Variants in ST3GAL2 observed in about 807,000 individuals in gnomAD.
The protein encoded by ST3GAL2 is ST3 beta-galactoside alpha-2,3-sialyltransferase 2.
In ST3GAL2, 16 loss-of-function variants were observed where a neutral mutation model predicts 37.5. The observed-to-expected ratio is 0.43, with a 90% CI of 0.29 to 0.65. The LOEUF is 0.65. Among genes scored for constraint, ST3GAL2 ranks in the 30% least tolerant of loss-of-function variants. The pLI is 0.17. For synonymous variants in ST3GAL2, 238 were observed against 202.9 expected (o/e 1.17, Z -1.47); for missense variants, 383 against 487.8 (o/e 0.79, Z 2.02).
intron 1 of ST3GAL2, among the ~76,000 whole-genome samples, chr16:70,415,958 T>C (rs553486099): frequency 1.3e-5 from 2 of 151,028 alleles, no homozygotes; most frequent in African/African-American, 4.9e-5. Context: ...GTATTTTTAG[T>C]AGAGATGGGG....
intron 1 of ST3GAL2, among the ~76,000 whole-genome samples, chr16:70,422,511 C>G (rs574074589): frequency 6.6e-6 from 1 of 152,264 alleles, no homozygotes; most frequent in East Asian, 1.9e-4. Context: ...AAATGGCTGT[C>G]AGCAAACATC....
At chr16:70,421,529 G>A (rs1287683902) in intron 1 of ST3GAL2, among the ~76,000 whole-genome samples, 18 of 152,238 alleles carry the variant, frequency 1.2e-4, no homozygotes, top group Non-Finnish European at 8.8e-5. Context: ...GGAAAGGAAG[G>A]ACGCACAGAC....
chr16:70,384,902 G>A (rs184256490), intron 4 of ST3GAL2, among the ~76,000 whole-genome samples: 3 of 152,158 alleles, frequency 2.0e-5, no homozygotes, highest in South Asian at 2.1e-4. Flanking sequence ...CCAGCTACTC[G>A]GGAGGCTGAG....
At chr16:70,428,549 T>C (rs1468932524) in intron 1 of ST3GAL2, among the ~76,000 whole-genome samples, 2 of 152,214 alleles carry the variant, frequency 1.3e-5, no homozygotes, top group Non-Finnish European at 2.9e-5. Context: ...CCTTCCTCCC[T>C]GCTAGGGTGG....
At chr16:70,401,911 T>C (rs1302546340) in intron 1 of ST3GAL2, among the ~76,000 whole-genome samples, 1 of 149,930 alleles carries the variant, frequency 6.7e-6, no homozygotes, top group Non-Finnish European at 1.5e-5. Flanking sequence ...GGAGAATCAC[T>C]TGAACCCAGG....
intron 1 of ST3GAL2, chr16:70,400,158 C>A (rs1186504929): frequency 6.6e-6 from 1 of 152,310 alleles, no homozygotes; most frequent in Non-Finnish European, 1.5e-5. Flanking sequence ...TGTCTACATC[C>A]ATCTGTACAT....
chr16:70,431,412 G>A (rs896662954), intron 1 of ST3GAL2, among the ~76,000 whole-genome samples: 3 of 152,306 alleles, frequency 2.0e-5, no homozygotes, highest in Middle Eastern at 6.8e-3. Flanking sequence ...GGGTCATGCC[G>A]CAACACCTCA....
chr16:70,382,242 C>G (rs1296281264), intron 6 of ST3GAL2, among the ~76,000 whole-genome samples: 3 of 151,984 alleles, frequency 2.0e-5, no homozygotes, highest in African/African-American at 4.8e-5. Context: ...AGTCGTCCAG[C>G]TGAAATTCAA....
chr16:70,400,865 C>T (rs1016263272), intron 1 of ST3GAL2: 4 of 152,220 alleles, frequency 2.6e-5, no homozygotes, highest in Admixed American at 2.6e-4. Flanking sequence ...CATCAGGGCT[C>T]CTGGCTCTAA....
rs777094283 is a variant in ST3GAL2, at chr16:70,383,159, C to T, written c.759+31G>A. 3 of 1,612,246 alleles carry T rather than the reference C, an allele frequency of 1.9e-6. No homozygotes were observed. In the East Asian group the frequency reaches 6.7e-5, roughly 36 times the overall value. On this transcript the variant is annotated intron_variant, in intron 5 of 6. Coordinates refer to ENST00000342907, the MANE Select transcript of ST3GAL2 (RefSeq NM_006927.4). ...ACACAGGCTGGGCCAGCACTGTTTC[C>T]ACTGAGGTGGGGAAGAAGTGGGGAG...
At position 70,399,434 on chromosome 16, in the gene ST3GAL2, C is replaced by A; in HGVS notation, c.-904G>T. 2.5e-6 allele frequency: 1 copy of A among 398,780 alleles called. No individual in the cohort carries two copies. Among genetic ancestry groups the A allele is most frequent in the Non-Finnish European group, 4.4e-6 (1 of 226,200 alleles). The allele number at this position is 398,780 out of a possible 1,614,324, so 24.7% of individuals were successfully genotyped here. A position where few individuals can be genotyped will look rare whatever the true frequency, so the allele number is the denominator to read the frequency against. Reference sequence around the variant, plus strand: ...TACTCCTGGCCCAGGTTCTGCCCATCCCCACTCCCCCGGGGCCAGCCTATC... The same window carrying A: ...TACTCCTGGCCCAGGTTCTGCCCATACCCACTCCCCCGGGGCCAGCCTATC... On this transcript the variant is annotated 5_prime_UTR_variant, in exon 2 of 7. Coordinates refer to ENST00000342907, the MANE Select transcript of ST3GAL2 (RefSeq NM_006927.4).
chr16:70,421,910 C>T (rs562127391), intron 1 of ST3GAL2, among the ~76,000 whole-genome samples: 1 of 152,274 alleles, frequency 6.6e-6, no homozygotes, highest in East Asian at 1.9e-4. Flanking sequence ...TTAACTCATG[C>T]CTATGAATTA....
chr16:70,406,455 G>A lies in ST3GAL2; in HGVS notation c.-1003-6922C>T, dbSNP rs1005161286. On this transcript the variant is annotated intron_variant, in intron 1 of 6. Coordinates refer to ENST00000342907, the MANE Select transcript of ST3GAL2 (RefSeq NM_006927.4). ...GAACCCAGGAGGTGGAGGTTGCAAT[G>A]AGCCGAGATTATGCCACTGCACTCC... Among the ~76,000 whole-genome samples, 7 of 152,094 alleles carry A rather than the reference G, an allele frequency of 4.6e-5. 1 individual carries two copies. The highest frequency in any genetic ancestry group is 4.6e-4 in the Admixed American group (7 of 15,280).
chr16:70,409,018 G>A (rs2047616844), intron 1 of ST3GAL2, among the ~76,000 whole-genome samples: 1 of 150,376 alleles, frequency 6.6e-6, no homozygotes, highest in Non-Finnish European at 1.5e-5. Flanking sequence ...GGGGTGAAGG[G>A]TCCCTTCAGA....
rs369011218 is a variant in ST3GAL2, at chr16:70,381,867, G to A, written c.880-5C>T. The A allele has an allele frequency of 3.1e-6, 5 of 1,612,858 alleles. No individual in the cohort carries two copies. In the African/African-American group the frequency reaches 5.3e-5, roughly 17 times the overall value. ...CCCGAACCCGTACACGTTCACCTGC[G>A]GGGAAGCGCAGCGGAGCGTCACCCC... On this transcript the variant is annotated splice_region_variant and splice_polypyrimidine_tract_variant and intron_variant, in intron 6 of 6. Transcript: ENST00000342907.
At chr16:70,424,813 G>T (rs1597575159) in intron 1 of ST3GAL2, among the ~76,000 whole-genome samples, 1 of 152,146 alleles carries the variant, frequency 6.6e-6, no homozygotes, top group Non-Finnish European at 1.5e-5. Context: ...TGCCACTCTT[G>T]GTTCCCACAT....
At chr16:70,417,438 G>C (rs2047683638) in intron 1 of ST3GAL2, among the ~76,000 whole-genome samples, 1 of 152,154 alleles carries the variant, frequency 6.6e-6, no homozygotes, top group Admixed American at 6.5e-5. Flanking sequence ...ACCCAGCAGA[G>C]GACGGTGCGC....
intron 4 of ST3GAL2, 109 bp downstream of exon 4, chr16:70,388,258 C>G: frequency 1.4e-6 from 2 of 1,476,050 alleles, no homozygotes; most frequent in South Asian, 1.2e-5. Flanking sequence ...TCACCAGCCC[C>G]TCTTGGCCAA....
chr16:70,428,166 C>A (rs1597576850), intron 1 of ST3GAL2, among the ~76,000 whole-genome samples: 1 of 152,244 alleles, frequency 6.6e-6, no homozygotes. Context: ...CTGAGTCAGG[C>A]TCAGAATGAG....
Sources: allele counts gnomAD v4.1 joint callset (sites outside exome capture counted in the v4.1 genomes callset), GRCh38; gene constraint gnomAD v4.1.1; transcripts MANE v1.5; gene names NCBI Gene and HGNC (gene_info 2026-07-23, HGNC 2026-07-21).